The following NAF1 variants were observed in gnomAD, a reference collection of about 807,000 sequenced individuals.
NAF1 encodes H/ACA ribonucleoprotein complex non-core subunit NAF1.
In NAF1, 11 loss-of-function variants were observed where a neutral mutation model predicts 40.6. That is an observed-to-expected ratio of 0.27 (90% confidence interval 0.17 to 0.45). The LOEUF (loss-of-function observed/expected upper bound fraction) is 0.45. NAF1 is among the 20% of genes least tolerant of loss of function. The pLI, the probability that NAF1 is intolerant of heterozygous loss-of-function variation, is 1.00. For missense variants in NAF1, 607 were observed against 611.1 expected, an observed-to-expected ratio of 0.99 and a Z score of 0.07; for synonymous variants, 260 against 228.5, an observed-to-expected ratio of 1.14 and a Z score of -1.24.
downstream of NAF1, chr4:163,109,930 G>A (rs2276981): frequency 5.8e-3 from 1,506 of 258,370 alleles, 59 homozygotes; most frequent in East Asian, 0.069. Flanking sequence ...TAGTTAACAC[G>A]GAATGTGCTT....
Position 163,137,220 on chromosome 4 carries a change from A to G in NAF1, c.909T>C (p.Asn303=). The part of the protein sequence containing the change: ...QDKGSDASWK[N]DQEPPPEALD... ...TTACCTCTGGTGGTGGTTCCTGATC[A>G]TTCTTCCATGATGCATCTGATCCCT... The change falls in exon 6 of 8, where the codon AAT becomes AAC. Residue 303 remains asparagine, a synonymous_variant. Coordinates refer to ENST00000274054, the MANE Select transcript of NAF1 (RefSeq NM_138386.3). The G allele has an allele frequency of 6.2e-7, 1 of 1,612,168 alleles. No homozygotes were observed. The highest frequency in any genetic ancestry group is 1.1e-5 in the South Asian group (1 of 90,952).
downstream of NAF1, chr4:163,109,994 C>T: frequency 2.6e-6 from 1 of 379,422 alleles, no homozygotes; most frequent in Non-Finnish European, 4.7e-6. Context: ...CTCATTTTTA[C>T]CTTTGTTTAC....
At chr4:163,104,315 G>A in the NAF1 span, among the ~76,000 whole-genome samples, 1 of 152,174 alleles carries the variant, frequency 6.6e-6, no homozygotes, top group African/African-American at 2.4e-5. Flanking sequence ...GGGCTCAGAG[G>A]CCTGACAATA....
chr4:163,130,530 G>C (rs536720211), intron 7 of NAF1, among the ~76,000 whole-genome samples: 13 of 152,306 alleles, frequency 8.5e-5, no homozygotes, highest in African/African-American at 3.1e-4. Flanking sequence ...TAAAGTTTAA[G>C]TAATCACAGC....
At chr4:163,134,232 C>CA (rs1393141082) in intron 6 of NAF1, among the ~76,000 whole-genome samples, 1 of 151,816 alleles carries the variant, frequency 6.6e-6, no homozygotes, top group Non-Finnish European at 1.5e-5. Flanking sequence ...ATGTTTCATA[C>CA]AAAAAATATA....
chr4:163,164,322 A>AGAGGAAGAAGACGACGAT lies in NAF1; in HGVS notation c.417_434dup (p.Ser140_Ser145dup), dbSNP rs1406627783. 6.2e-7 allele frequency: 1 copy of AGAGGAAGAAGACGACGAT among 1,602,576 alleles called. No individual in the cohort carries two copies. Among genetic ancestry groups the AGAGGAAGAAGACGACGAT allele is most frequent in the East Asian group, 2.3e-5 (1 of 44,440 alleles). On this transcript the variant is annotated inframe_insertion, in exon 2 of 8. Coordinates refer to ENST00000274054, the MANE Select transcript of NAF1 (RefSeq NM_138386.3). ...ACAGCACTGGAGGAAGTGATATACA[A>AGAGGAAGAAGACGACGAT]GAGGAAGAAGACGACGATGAGGAAG...
intron 2 of NAF1, among the ~76,000 whole-genome samples, chr4:163,113,557 CA>C (rs1466890926): frequency 1.3e-5 from 2 of 151,992 alleles, no homozygotes; most frequent in Non-Finnish European, 2.9e-5. Context: ...GATCAGACTT[CA>C]AGCTTGGTTT....
At chr4:163,114,080 A>T (rs568371135) in intron 2 of NAF1, among the ~76,000 whole-genome samples, 1 of 152,356 alleles carries the variant, frequency 6.6e-6, no homozygotes, top group Admixed American at 6.5e-5. Context: ...AAACTGGAAA[A>T]GGAAAGACTG....
chr4:163,151,771 G>A (rs916335282), intron 2 of NAF1, among the ~76,000 whole-genome samples: 7 of 151,888 alleles, frequency 4.6e-5, no homozygotes, highest in East Asian at 1.9e-4. Context: ...TGTCATATTA[G>A]TGTTATCAGT....
chr4:163,148,046 G>A (rs1162732865), intron 3 of NAF1, among the ~76,000 whole-genome samples: 1 of 152,010 alleles, frequency 6.6e-6, no homozygotes, highest in East Asian at 1.9e-4. Context: ...GCTGCTGTAA[G>A]TCACTAAGTT....
intron 3 of NAF1, among the ~76,000 whole-genome samples, 172 bp from the exon 4 acceptor site, chr4:163,146,036 T>C (rs1020136577): frequency 6.6e-6 from 1 of 152,152 alleles, no homozygotes; most frequent in Non-Finnish European, 1.5e-5. Context: ...CAAATAGCAC[T>C]GGGAAATGTT....
chr4:163,153,300 A>G (rs1579177047), intron 2 of NAF1, among the ~76,000 whole-genome samples: 2 of 152,210 alleles, frequency 1.3e-5, no homozygotes, highest in East Asian at 1.9e-4. Flanking sequence ...CACTGGGTGA[A>G]GCCAGCTGGG....
intron 2 of NAF1, among the ~76,000 whole-genome samples, chr4:163,112,998 C>T (rs1730209919): frequency 6.6e-6 from 1 of 152,132 alleles, no homozygotes; most frequent in African/African-American, 2.4e-5. Flanking sequence ...TCACGTTCAA[C>T]TCTATATGTG....
At chr4:163,125,710 AAAC>A (rs1472853238), downstream of NAF1, among the ~76,000 whole-genome samples, 14 of 152,242 alleles carry the variant, frequency 9.2e-5, no homozygotes, top group Admixed American at 3.3e-4. Context: ...ACTAAACACT[AAAC>A]AACAGATTTT....
intron 2 of NAF1, among the ~76,000 whole-genome samples, chr4:163,153,127 C>A (rs1731796450): frequency 6.6e-6 from 1 of 152,210 alleles, no homozygotes; most frequent in South Asian, 2.1e-4. Flanking sequence ...CTGAGCCTTC[C>A]CCCGCCTCCG....
chr4:163,137,070 T>A (rs982719287), intron 6 of NAF1, 129 bp downstream of exon 6: 2 of 978,304 alleles, frequency 2.0e-6, no homozygotes, highest in African/African-American at 3.3e-5. Context: ...ATACATGCGC[T>A]AGGACAGGAT....
chr4:163,129,247 T>C lies in NAF1; in HGVS notation c.1135A>G (p.Arg379Gly). ...RNREFTRGFS[R>G]ARYPRSCHGR... ...TGGCAAGATCGAGGGTATCTGGCCC[T>C]GGAAAATCCTCGTGTGAATTCTCTG... is the stretch of plus-strand genomic sequence containing the variant. Residue 379 changes from arginine (R) to glycine (G), a missense_variant, in exon 8 of 8, where the codon AGG (arginine) becomes GGG (glycine). Coordinates refer to ENST00000274054, the MANE Select transcript of NAF1 (RefSeq NM_138386.3). 1 of 1,614,144 alleles carries C rather than the reference T, an allele frequency of 6.2e-7. No homozygotes were observed. Among genetic ancestry groups the C allele is most frequent in the Non-Finnish European group, 8.5e-7 (1 of 1,179,994 alleles).
chr4:163,115,565 A>G (rs1376353650), intron 2 of NAF1, among the ~76,000 whole-genome samples: 1 of 152,128 alleles, frequency 6.6e-6, no homozygotes, highest in African/African-American at 2.4e-5. Flanking sequence ...ATTTTTTGCC[A>G]ATCTGATACA....
chr4:163,113,273 G>A (rs1463446386), intron 2 of NAF1, among the ~76,000 whole-genome samples: 1 of 151,992 alleles, frequency 6.6e-6, no homozygotes, highest in East Asian at 1.9e-4. Context: ...AAGGAAGAGA[G>A]TATGGCCAGC....
Sources: allele counts gnomAD v4.1 joint callset (sites outside exome capture counted in the v4.1 genomes callset), GRCh38; gene constraint gnomAD v4.1.1; transcripts MANE v1.5; gene names NCBI Gene and HGNC (gene_info 2026-07-23, HGNC 2026-07-21).